Variants in CFI observed in about 807,000 individuals in gnomAD.
CFI encodes C3B/C4B inactivator.
In CFI, 66 loss-of-function variants were observed where a neutral mutation model predicts 78.8. The ratio of observed to expected loss-of-function variants is 0.84; its 90% CI spans 0.69 to 1.03. The LOEUF (loss-of-function observed/expected upper bound fraction) is 1.03. Ranked by LOEUF, CFI falls within the 50% of genes least tolerant of loss-of-function variation. CFI has a pLI of 0.00. For synonymous variants in CFI, 250 were observed against 232.6 expected (o/e 1.07, Z -0.68); for missense variants, 706 against 704.5 (o/e 1.00, Z -0.02).
intron 1 of CFI, among the ~76,000 whole-genome samples, chr4:109,798,732 T>G (rs889640500): frequency 6.6e-6 from 1 of 151,794 alleles, no homozygotes; most frequent in African/African-American, 2.4e-5. Flanking sequence ...TTTGGTTGCT[T>G]GGGGTTTGCT....
downstream of CFI, among the ~76,000 whole-genome samples, chr4:109,737,422 C>T (rs1013821235): frequency 6.6e-6 from 1 of 152,176 alleles, no homozygotes; most frequent in African/African-American, 2.4e-5. Flanking sequence ...ATATGTCAGG[C>T]TGGTTTCTAG....
intron 1 of CFI, among the ~76,000 whole-genome samples, chr4:109,797,374 AT>A (rs1369790161): frequency 6.6e-6 from 1 of 152,218 alleles, no homozygotes; most frequent in East Asian, 1.9e-4. Context: ...GGAAATCCAC[AT>A]GCAAAAACTG....
intron 11 of CFI, among the ~76,000 whole-genome samples, chr4:109,743,882 G>T (rs908149629): frequency 3.0e-4 from 46 of 152,008 alleles, no homozygotes; most frequent in Non-Finnish European, 6.6e-4. Flanking sequence ...CTGCTTTGGT[G>T]GTTGAGGTGG....
rs59449659 is a variant in CFI at position 109,768,278 on chromosome 4, C to CAA, written c.58-1456_58-1455dup. Reference sequence around the variant, plus strand: ...GCACATGCACCTAAAACTTAAAGTACAAAAAAAAAAAAAAAAAAGAATGGT... The same window carrying CAA: ...GCACATGCACCTAAAACTTAAAGTACAAAAAAAAAAAAAAAAAAAAGAATGGT... On this transcript the variant is annotated intron_variant, in intron 1 of 12. Transcript: ENST00000394634. 3.5e-3 allele frequency among the ~76,000 whole-genome samples: 308 copies of CAA among 87,096 alleles called. 2 individuals are homozygous for CAA. Among genetic ancestry groups the CAA allele is most frequent in the African/African-American group, 0.013 (286 of 22,092 alleles). 57.1% of individuals were successfully genotyped at this position (87,096 alleles called of 152,430 possible).
At chr4:109,800,187 T>C (rs914973493) in intron 1 of CFI, among the ~76,000 whole-genome samples, 4 of 152,138 alleles carry the variant, frequency 2.6e-5, no homozygotes, top group African/African-American at 9.7e-5. Flanking sequence ...TCTTTCTCTC[T>C]AAAATGCCAC....
intron 1 of CFI, among the ~76,000 whole-genome samples, chr4:109,778,805 T>C (rs1363767791): frequency 6.6e-6 from 1 of 152,206 alleles, no homozygotes; most frequent in Admixed American, 6.5e-5. Flanking sequence ...GCTTCATCCC[T>C]GGGATGCAAG....
rs1726412344 is a variant in CFI at position 109,757,119 on chromosome 4, C to G, written c.904+644G>C. ...TCTCGGCTCACTGCAAGCTCCGCCT[C>G]CCGGGTTCACGCCATTCTCCTGCCT... On this transcript the variant is annotated intron_variant, in intron 7 of 12. Coordinates refer to ENST00000394634, the MANE Select transcript of CFI (RefSeq NM_000204.5). Among the ~76,000 whole-genome samples the G allele has an allele frequency of 1.3e-5, 2 of 151,846 alleles. 1 individual carries two copies. Among genetic ancestry groups the G allele is most frequent in the South Asian group, 4.2e-4 (2 of 4,788 alleles).
intron 8 of CFI, among the ~76,000 whole-genome samples, chr4:109,750,022 A>G (rs577990663): frequency 6.6e-6 from 1 of 151,432 alleles, no homozygotes; most frequent in Non-Finnish European, 1.5e-5. Context: ...TTTGAGATGG[A>G]GTCTCAGTCT....
chr4:109,774,523 G>T (rs1471008606), intron 1 of CFI, among the ~76,000 whole-genome samples: 1 of 152,162 alleles, frequency 6.6e-6, no homozygotes, highest in East Asian at 1.9e-4. Flanking sequence ...GTGGGTGGAT[G>T]GGAATAAGTA....
At chr4:109,743,407 G>A (rs977852217) in intron 11 of CFI, among the ~76,000 whole-genome samples, 1 of 152,144 alleles carries the variant, frequency 6.6e-6, no homozygotes, top group South Asian at 2.1e-4. Flanking sequence ...GCAGCTCTCC[G>A]ACGGTAGCTG....
downstream of CFI, among the ~76,000 whole-genome samples, chr4:109,736,974 C>A (rs1288262028): frequency 6.6e-6 from 1 of 152,194 alleles, no homozygotes; most frequent in Admixed American, 6.5e-5. Flanking sequence ...ATCCTAGTCT[C>A]AAATCCCTCT....
At chr4:109,789,065 A>G (rs1731065484) in intron 1 of CFI, among the ~76,000 whole-genome samples, 1 of 152,044 alleles carries the variant, frequency 6.6e-6, no homozygotes, top group Non-Finnish European at 1.5e-5. Flanking sequence ...GATAAAAACT[A>G]CAATACACTT....
At chr4:109,800,781 ATATG>A (rs1340636622) in intron 1 of CFI, among the ~76,000 whole-genome samples, 1 of 148,066 alleles carries the variant, frequency 6.8e-6, no homozygotes, top group South Asian at 2.7e-4. Context: ...ACACACATAC[ATATG>A]TGTGTGTGTG....
At chr4:109,731,256 G>A in the CFI span, among the ~76,000 whole-genome samples, 1 of 152,072 alleles carries the variant, frequency 6.6e-6, no homozygotes, top group East Asian at 1.9e-4. Flanking sequence ...GGAGGCAGGA[G>A]AATCACTTGA....
At chr4:109,786,614 AG>A (rs1730779704) in intron 1 of CFI, among the ~76,000 whole-genome samples, 1 of 152,118 alleles carries the variant, frequency 6.6e-6, no homozygotes, top group Non-Finnish European at 1.5e-5. Flanking sequence ...AGCAAGGAAA[AG>A]TCCACCCCTT....
intron 11 of CFI, among the ~76,000 whole-genome samples, chr4:109,743,761 G>T (rs1400091719): frequency 1.3e-5 from 2 of 152,140 alleles, no homozygotes; most frequent in Non-Finnish European, 2.9e-5. Flanking sequence ...ACTTTGGGAG[G>T]CCAGGGTGGG....
At chr4:109,773,056 G>A (rs1372346000) in intron 1 of CFI, among the ~76,000 whole-genome samples, 1 of 152,182 alleles carries the variant, frequency 6.6e-6, no homozygotes, top group Non-Finnish European at 1.5e-5. Context: ...GGTTCAGAGA[G>A]AAGCATTTAA....
chr4:109,795,749 T>C (rs187534904), intron 1 of CFI, among the ~76,000 whole-genome samples: 5 of 152,230 alleles, frequency 3.3e-5, no homozygotes, highest in Admixed American at 3.3e-4. Context: ...TCATACACCA[T>C]ACTTAGTCAA....
intron 8 of CFI, among the ~76,000 whole-genome samples, chr4:109,751,018 C>T (rs1003736090): frequency 1.3e-5 from 2 of 152,126 alleles, no homozygotes; most frequent in Admixed American, 6.6e-5. Flanking sequence ...ATCTCTGAGT[C>T]GGGAGAGAAC....
Sources: gnomAD v4.1 joint callset for allele counts (sites outside exome capture counted in the v4.1 genomes callset) on GRCh38, gnomAD v4.1.1 for gene constraint, MANE v1.5 for transcripts, NCBI Gene and HGNC (gene_info 2026-07-23, HGNC 2026-07-21) for gene names.